Variants in GEMIN5 observed in about 807,000 individuals in gnomAD.
GEMIN5 encodes gem nuclear organelle associated protein 5.
In GEMIN5, 124 loss-of-function variants were observed where a neutral mutation model predicts 176.9. That is an observed-to-expected ratio of 0.70 (90% CI 0.61 to 0.81). The LOEUF (loss-of-function observed/expected upper bound fraction) is 0.81. Among genes scored for constraint, GEMIN5 ranks in the 40% least tolerant of loss-of-function variants. GEMIN5 has a pLI of 0.00. For synonymous variants in GEMIN5, 673 were observed against 665.2 expected (o/e 1.01, Z -0.18); for missense variants, 1,843 against 1,814.6 (o/e 1.02, Z -0.28).
Position 154,932,165 on chromosome 5 carries a change from G to A in GEMIN5, c.595C>T (p.His199Tyr). ...HRLRGHDDEI[H>Y]SIAWCPLPGE... Reference sequence around the variant, plus strand: ...GGCAGGGGACACCAGGCTATGGAGTGGATTTCATCATCATGGCCTCGAAGC... The same window carrying A: ...GGCAGGGGACACCAGGCTATGGAGTAGATTTCATCATCATGGCCTCGAAGC... The change falls in exon 4 of 28, where the codon CAC becomes TAC. Residue 199 changes from histidine to tyrosine, a missense_variant. Coordinates refer to ENST00000285873, the MANE Select transcript of GEMIN5 (RefSeq NM_015465.5). 6.2e-7 allele frequency: 1 copy of A among 1,611,774 alleles called. No individual in the cohort carries two copies. Among genetic ancestry groups the A allele is most frequent in the Non-Finnish European group, 8.5e-7 (1 of 1,177,848 alleles).
At chr5:154,889,141 G>A (rs900309772) in intron 27 of GEMIN5, among the ~76,000 whole-genome samples, 180 bp downstream of exon 27, 7 of 149,090 alleles carry the variant, frequency 4.7e-5, no homozygotes, top group African/African-American at 7.3e-5. Flanking sequence ...CTCCCAAAGC[G>A]CTGGGATTAC....
chr5:154,888,296 C>T lies in GEMIN5; in HGVS notation c.4441G>A (p.Glu1481Lys). Residue 1481 changes from glutamate to lysine, a missense_variant, in exon 28 of 28, where the codon GAA (glutamate) becomes AAA (lysine). By Grantham distance (56) the Glu-to-Lys change is moderately conservative. Coordinates refer to ENST00000285873, the MANE Select transcript of GEMIN5 (RefSeq NM_015465.5). The stretch of plus-strand genomic sequence containing the variant: ...AGCTCTTGGGCCTGCTGCTGCATTT[C>T]CTGGGCCAGACAGCCAGGAAAGTGG... ...RSHFPGCLAQ[E>K]MQQQAQELLQ... The T allele has an allele frequency of 6.2e-7, 1 of 1,614,188 alleles. No homozygotes were observed. Among genetic ancestry groups the T allele is most frequent in the South Asian group, 1.1e-5 (1 of 91,078 alleles).
chr5:154,935,726 G>C lies in GEMIN5; in HGVS notation c.509+115C>G. On this transcript the variant is annotated intron_variant, in intron 3 of 27. Transcript: ENST00000285873. ...TGATGCCAGGGGCTCAGGGGGAGTG[G>C]TTAACATCTGTAGATGGTTTCCTTT... 7.1e-6 allele frequency: 5 copies of C among 703,740 alleles called. No individual in the cohort carries two copies. In the South Asian group the frequency reaches 9.2e-5, roughly 13 times the overall value. 43.6% of individuals were successfully genotyped at this position (703,740 alleles called of 1,614,324 possible). A position where few individuals can be genotyped will look rare whatever the true frequency, so the allele number is the denominator to read the frequency against.
At chr5:154,918,700 CTAAA>C in intron 11 of GEMIN5, among the ~76,000 whole-genome samples, 1 of 152,266 alleles carries the variant, frequency 6.6e-6, no homozygotes, top group African/African-American at 2.4e-5. Context: ...CAATTTATAA[CTAAA>C]TGTTACTTTT....
At chr5:154,916,075 G>A (rs1763803153) in intron 13 of GEMIN5, among the ~76,000 whole-genome samples, 1 of 151,770 alleles carries the variant, frequency 6.6e-6, no homozygotes, top group African/African-American at 2.4e-5. Flanking sequence ...TTTTGTATAG[G>A]TGGGGTCTCC....
Position 154,932,176 on chromosome 5 carries a change from T to C in GEMIN5, c.584A>G (p.Asp195Gly). Reference protein sequence around the residue: ...GEVIHRLRGHDDEIHSIAWCP... With the variant: ...GEVIHRLRGHGDEIHSIAWCP... ...CCAGGCTATGGAGTGGATTTCATCA[T>C]CATGGCCTCGAAGCCTATGAATAAC... Residue 195 changes from aspartate to glycine, a missense_variant, in exon 4 of 28, where the codon GAT becomes GGT. Coordinates refer to ENST00000285873, the MANE Select transcript of GEMIN5 (RefSeq NM_015465.5). 6.2e-7 allele frequency: 1 copy of C among 1,610,856 alleles called. No homozygotes were observed. Among genetic ancestry groups the C allele is most frequent in the South Asian group, 1.1e-5 (1 of 91,030 alleles).
chr5:154,926,681 C>T (rs1221390942), intron 7 of GEMIN5, among the ~76,000 whole-genome samples: 3 of 152,184 alleles, frequency 2.0e-5, no homozygotes, highest in Non-Finnish European at 2.9e-5. Context: ...GGACCTAACA[C>T]AGGGGTGTCC....
At chr5:154,912,682 A>C (rs1763726726) in intron 14 of GEMIN5, among the ~76,000 whole-genome samples, 1 of 151,820 alleles carries the variant, frequency 6.6e-6, no homozygotes, top group Admixed American at 6.6e-5. Context: ...GCTCCTATCA[A>C]TACTTTCCCC....
At position 154,931,543 on chromosome 5, in the gene GEMIN5, T is replaced by C. The variant is rs753404324; in HGVS notation, c.696A>G (p.Ala232=). The stretch of plus-strand genomic sequence containing the variant: ...AGCAACCTTTTGTTACTGGAGCTTG[T>C]GCTACAGCATTCCCGTTGGTAATTT... The part of the protein sequence containing the change: ...EAEITNGNAV[A]QAPVTKGCYL... Residue 232 remains alanine (A), a synonymous_variant, in exon 5 of 28, where the codon GCA becomes GCG. Coordinates refer to ENST00000285873, the MANE Select transcript of GEMIN5 (RefSeq NM_015465.5). The C allele has an allele frequency of 1.2e-6, 2 of 1,611,046 alleles. No individual in the cohort carries two copies. The highest frequency in any genetic ancestry group is 1.7e-6 in the Non-Finnish European group (2 of 1,177,544).
chr5:154,922,886 C>T (rs763312648), intron 9 of GEMIN5, among the ~76,000 whole-genome samples: 5 of 150,982 alleles, frequency 3.3e-5, no homozygotes, highest in South Asian at 2.1e-4. Context: ...TTAGTAGAGA[C>T]GGGCTTTCAC....
chr5:154,925,905 T>C lies in GEMIN5; in HGVS notation c.1250A>G (p.Asp417Gly). 1 of 1,613,886 alleles carries C rather than the reference T, an allele frequency of 6.2e-7. No homozygotes were observed. Among genetic ancestry groups the C allele is most frequent in the East Asian group, 2.2e-5 (1 of 44,872 alleles). Residue 417 changes from aspartate (D) to glycine (G), a missense_variant, in exon 8 of 28, where the codon GAT (aspartate) becomes GGT (glycine). Asp to Gly is a moderately conservative substitution (Grantham distance 94). Transcript: ENST00000285873. ...WNTLSIKNNY[D>G]VKNFWQGVKS... ...CACGCCTTGCCAAAAATTTTTCACATCATAGTTGTTCTTTATGGAGAGTGT... is the reference window on the plus strand; with the variant it reads ...CACGCCTTGCCAAAAATTTTTCACACCATAGTTGTTCTTTATGGAGAGTGT...
At chr5:154,907,473 G>T in intron 16 of GEMIN5, 118 bp downstream of exon 16, 34 of 404,236 alleles carry the variant, frequency 8.4e-5, no homozygotes, top group Non-Finnish European at 1.2e-4. Context: ...AAAAACTAAT[G>T]CTGTTTCCAA....
At chr5:154,916,090 A>G (rs1763803574) in intron 13 of GEMIN5, among the ~76,000 whole-genome samples, 1 of 152,010 alleles carries the variant, frequency 6.6e-6, no homozygotes, top group Admixed American at 6.6e-5. Context: ...GTCTCCCTAC[A>G]TTGCCCAGGC....
Position 154,891,229 on chromosome 5 carries a change from C to A in GEMIN5, c.4262+12G>T. 1 of 1,609,602 alleles carries A rather than the reference C, an allele frequency of 6.2e-7. No individual in the cohort carries two copies. Among genetic ancestry groups the A allele is most frequent in the Non-Finnish European group, 8.5e-7 (1 of 1,177,038 alleles). ...ATTTTTCATTCCGTCTTGTACTTGC[C>A]TCAGTACTTACCACTGGCTCTGAGA... On this transcript the variant is annotated intron_variant, in intron 26 of 27. Transcript: ENST00000285873.
At chr5:154,890,326 A>C (rs1763198374) in intron 26 of GEMIN5, among the ~76,000 whole-genome samples, 1 of 151,950 alleles carries the variant, frequency 6.6e-6, no homozygotes, top group East Asian at 1.9e-4. Context: ...TTTACCTTTT[A>C]TTTTTAATAT....
chr5:154,937,229 A>C, intron 1 of GEMIN5, 44 bp from the exon 2 acceptor site: 1 of 1,514,888 alleles, frequency 6.6e-7, no homozygotes, highest in South Asian at 1.2e-5. Context: ...GTGCTATCCA[A>C]GGTTCCTGGC....
intron 25 of GEMIN5, 54 bp from the exon 26 acceptor site, chr5:154,891,796 T>G: frequency 6.7e-7 from 1 of 1,490,630 alleles, no homozygotes; most frequent in Non-Finnish European, 9.0e-7. Context: ...TTGCCAGAAA[T>G]GTGGCTTCCT....
In GEMIN5 at chr5:154,898,361, G is replaced by A. The variant is rs1478630290; in HGVS notation, c.3345+79C>T. ...AAATTGGCACAGCTTGTGCAACTGG[G>A]TTATTAACTTGGATTTGACTAGAAA... On this transcript the variant is annotated intron_variant, in intron 23 of 27. Transcript: ENST00000285873. 2.3e-6 allele frequency: 3 copies of A among 1,285,884 alleles called. No homozygotes were observed. The East Asian group carries it at 6.9e-5, about 30-fold the overall frequency. The allele number at this position is 1,285,884 out of a possible 1,614,324, so 79.7% of individuals were successfully genotyped here.
intron 5 of GEMIN5, among the ~76,000 whole-genome samples, chr5:154,929,905 G>A (rs1407411511): frequency 6.6e-6 from 1 of 152,192 alleles, no homozygotes; most frequent in East Asian, 1.9e-4. Context: ...CATGCTCATA[G>A]CATATTATTT....
Sources: allele counts gnomAD v4.1 joint callset (sites outside exome capture counted in the v4.1 genomes callset), GRCh38; gene constraint gnomAD v4.1.1; transcripts MANE v1.5; gene names NCBI Gene and HGNC (gene_info 2026-07-23, HGNC 2026-07-21).